Variants in THSD7B observed in about 807,000 individuals in gnomAD.
THSD7B encodes thrombospondin type 1 domain containing 7B.
A neutral mutation model predicts 213.6 loss-of-function variants in THSD7B; 138 were observed. The ratio of observed to expected loss-of-function variants is 0.65; its 90% CI spans 0.56 to 0.74. The LOEUF (loss-of-function observed/expected upper bound fraction) is 0.74, where lower values mean the gene tolerates loss of function less well. THSD7B is among the 30% of genes least tolerant of loss of function. THSD7B has a pLI of 0.00. For missense variants in THSD7B, 1,931 were observed against 1,991.5 expected, an observed-to-expected ratio of 0.97 and a Z score of 0.58; for synonymous variants, 742 against 687.0, an observed-to-expected ratio of 1.08 and a Z score of -1.25.
At chr2:137,063,719 C>G (rs1338298052) in intron 3 of THSD7B, among the ~76,000 whole-genome samples, 1 of 152,044 alleles carries the variant, frequency 6.6e-6, no homozygotes, top group East Asian at 1.9e-4. Flanking sequence ...TTCTCTAGCT[C>G]CATGAGTTCA....
chr2:137,018,899 T>G (rs1013540445), intron 2 of THSD7B, among the ~76,000 whole-genome samples: 1 of 152,162 alleles, frequency 6.6e-6, no homozygotes, highest in Non-Finnish European at 1.5e-5. Flanking sequence ...CCAGACTCTT[T>G]CCTCTGCAAA....
At chr2:136,950,635 A>G (rs74846187) in intron 2 of THSD7B, among the ~76,000 whole-genome samples, 2,476 of 152,312 alleles carry the variant, frequency 0.016, 32 homozygotes, top group Middle Eastern at 0.02. Flanking sequence ...TTGTTTAATT[A>G]ATTTGTAAAA....
At chr2:137,372,653 G>A (rs191713580) in intron 12 of THSD7B, among the ~76,000 whole-genome samples, 45 of 151,974 alleles carry the variant, frequency 3.0e-4, no homozygotes, top group African/African-American at 9.9e-4. Context: ...AGAAATGCTT[G>A]AGTTAAGGGG....
At chr2:137,300,104 G>T (rs571695262) in intron 12 of THSD7B, among the ~76,000 whole-genome samples, 2 of 152,158 alleles carry the variant, frequency 1.3e-5, no homozygotes, top group East Asian at 1.9e-4. Flanking sequence ...AAATGGAATT[G>T]TTCCTCTACA....
At chr2:136,927,667 G>A (rs1488588936) in intron 2 of THSD7B, among the ~76,000 whole-genome samples, 2 of 152,324 alleles carry the variant, frequency 1.3e-5, no homozygotes, top group African/African-American at 4.8e-5. Flanking sequence ...CAAAGTGAAT[G>A]TTGCGTCTGG....
At chr2:137,131,148 C>T (rs1573842113) in intron 5 of THSD7B, among the ~76,000 whole-genome samples, 1 of 140,648 alleles carries the variant, frequency 7.1e-6, no homozygotes, top group Admixed American at 7.3e-5. Context: ...AGCATTTTTT[C>T]ATGTGTTTTT....
intron 1 of THSD7B, among the ~76,000 whole-genome samples, chr2:136,804,683 TC>T (rs1229557310): frequency 6.6e-6 from 1 of 152,188 alleles, no homozygotes; most frequent in African/African-American, 2.4e-5. Flanking sequence ...GTATGGATCC[TC>T]CTTCCTACAG....
At chr2:136,975,523 C>G (rs1232329293) in intron 2 of THSD7B, among the ~76,000 whole-genome samples, 1 of 152,102 alleles carries the variant, frequency 6.6e-6, no homozygotes, top group Non-Finnish European at 1.5e-5. Flanking sequence ...TTTGAGGTCT[C>G]TATTCTGTTC....
intron 1 of THSD7B, among the ~76,000 whole-genome samples, chr2:136,862,334 C>A (rs1046920712): frequency 1.3e-5 from 2 of 152,132 alleles, no homozygotes; most frequent in Non-Finnish European, 2.9e-5. Flanking sequence ...AGCTCTATGT[C>A]CAGGATCCTA....
chr2:137,186,588 A>G (rs1296042077), intron 7 of THSD7B, among the ~76,000 whole-genome samples: 1 of 151,982 alleles, frequency 6.6e-6, no homozygotes, highest in African/African-American at 2.4e-5. Flanking sequence ...GTTTGTACCC[A>G]TACTATGTTG....
intron 2 of THSD7B, among the ~76,000 whole-genome samples, chr2:137,010,039 C>A (rs1285582121): frequency 6.6e-6 from 1 of 152,072 alleles, no homozygotes; most frequent in Non-Finnish European, 1.5e-5. Context: ...CTTCTTCCAC[C>A]CTCACCCCCT....
rs983697756 is a variant in THSD7B, at chr2:137,569,792, C to A, written c.3273-2614C>A. Among the ~76,000 whole-genome samples, 10 of 138,478 alleles carry A rather than the reference C, an allele frequency of 7.2e-5. No homozygotes were observed. In the South Asian group the frequency reaches 1.3e-3, roughly 18 times the overall value. 90.8% of individuals were successfully genotyped at this position (138,478 alleles called of 152,430 possible). A position where few individuals can be genotyped will look rare whatever the true frequency, so the allele number is the denominator to read the frequency against. ...CTTGTGGAGTAATGCCTTTCCCTCC[C>A]AATTATTATTATTATTATTAATTAT... On this transcript the variant is annotated intron_variant, in intron 16 of 27. Coordinates refer to ENST00000409968, the MANE Select transcript of THSD7B (RefSeq NM_001316349.2).
At chr2:137,113,786 C>G (rs1013097905) in intron 4 of THSD7B, among the ~76,000 whole-genome samples, 1 of 152,052 alleles carries the variant, frequency 6.6e-6, no homozygotes, top group Non-Finnish European at 1.5e-5. Flanking sequence ...GACCTGAAGT[C>G]TGCACTCCAA....
intron 1 of THSD7B, among the ~76,000 whole-genome samples, chr2:136,858,750 T>C (rs1325410142): frequency 6.6e-6 from 1 of 152,196 alleles, no homozygotes; most frequent in African/African-American, 2.4e-5. Context: ...TTCCCTCCCA[T>C]TATCTGAATT....
At chr2:137,489,483 G>T (rs546904052) in intron 15 of THSD7B, among the ~76,000 whole-genome samples, 1 of 151,238 alleles carries the variant, frequency 6.6e-6, no homozygotes, top group South Asian at 2.1e-4. Flanking sequence ...AAGTAGAATC[G>T]AGTTAATTAA....
chr2:136,950,221 T>C (rs1003215833), intron 2 of THSD7B, among the ~76,000 whole-genome samples: 4 of 152,076 alleles, frequency 2.6e-5, no homozygotes, highest in East Asian at 3.9e-4. Context: ...CACTGCACTC[T>C]AGCCTGGGCG....
chr2:137,151,308 C>CT (rs1465940928), intron 5 of THSD7B, among the ~76,000 whole-genome samples: 2 of 151,990 alleles, frequency 1.3e-5, no homozygotes, highest in Non-Finnish European at 2.9e-5. Flanking sequence ...CCATTTTTAA[C>CT]TTTTTTTATT....
At chr2:136,795,220 T>C (rs1246794341) in intron 1 of THSD7B, among the ~76,000 whole-genome samples, 1 of 151,918 alleles carries the variant, frequency 6.6e-6, no homozygotes, top group Non-Finnish European at 1.5e-5. Flanking sequence ...AGCAGGGCTG[T>C]ATTTCTTTTG....
chr2:136,962,403 C>CTTTTTTTTTTTTTTTTTTTT lies in THSD7B; in HGVS notation c.139+80092_139+80111dup, dbSNP rs71400559. ...AACACACTATACATAAATCTGTTAT[C>CTTTTTTTTTTTTTTTTTTTT]TTTTTTTTTTTTTTTTTTTTTTTTT... On this transcript the variant is annotated intron_variant, in intron 2 of 27. Coordinates refer to ENST00000409968, the MANE Select transcript of THSD7B (RefSeq NM_001316349.2). 4.0e-5 allele frequency among the ~76,000 whole-genome samples: 4 copies of CTTTTTTTTTTTTTTTTTTTT among 100,180 alleles called. 1 individual carries two copies. The highest frequency in any genetic ancestry group is 7.4e-5 in the Non-Finnish European group (4 of 53,850). The allele number at this position is 100,180 out of a possible 152,430, so 65.7% of individuals were successfully genotyped here.
Sources: allele counts gnomAD v4.1 joint callset (sites outside exome capture counted in the v4.1 genomes callset), GRCh38; gene constraint gnomAD v4.1.1; transcripts MANE v1.5; gene names NCBI Gene and HGNC (gene_info 2026-07-23, HGNC 2026-07-21).